The following ATP2B2 variants were observed in gnomAD, a reference collection of about 807,000 sequenced individuals.
ATP2B2 encodes the protein plasma membrane calcium-transporting ATPase 2.
ATP2B2 carries 15 observed loss-of-function variants against 120.0 expected under a neutral mutation model. The ratio of observed to expected loss-of-function variants is 0.12; its 90% confidence interval spans 0.08 to 0.19. The LOEUF (loss-of-function observed/expected upper bound fraction) is 0.19. Ranked by LOEUF, ATP2B2 falls within the 10% of genes least tolerant of loss-of-function variation. The pLI, the probability that ATP2B2 is intolerant of heterozygous loss-of-function variation, is 1.00. For synonymous variants in ATP2B2, 694 were observed against 700.3 expected (o/e 0.99, Z 0.14); for missense variants, 1,045 against 1,719.8 (o/e 0.61, Z 6.94).
Position 10,382,004 on chromosome 3 carries a change from G to C in ATP2B2, c.1001-2720C>G, listed in dbSNP as rs566880405. 8.0e-4 allele frequency among the ~76,000 whole-genome samples: 122 copies of C among 152,204 alleles called. 1 individual carries two copies. Among genetic ancestry groups the C allele is most frequent in the African/African-American group, 2.9e-3 (121 of 41,522 alleles). On this transcript the variant is annotated intron_variant, in intron 8 of 22. Transcript: ENST00000360273. ...ATCAACTAAGGTGATGTTTATGAAA[G>C]GCACTGGAAAATCACTGTGTAAACG...
At chr3:10,573,692 A>T (rs1264087872) in intron 2 of ATP2B2, among the ~76,000 whole-genome samples, 1 of 152,214 alleles carries the variant, frequency 6.6e-6, no homozygotes, top group Admixed American at 6.5e-5. Flanking sequence ...ATGCTGAGCC[A>T]GGCTCCAGAC....
chr3:10,457,954 A>G (rs2064333919), intron 1 of ATP2B2, among the ~76,000 whole-genome samples: 1 of 152,168 alleles, frequency 6.6e-6, no homozygotes, highest in South Asian at 2.1e-4. Context: ...GGGGAGGTCC[A>G]GCCCTTACCT....
chr3:10,329,800 A>C lies in ATP2B2; in HGVS notation c.3421-675T>G, dbSNP rs1451494233. On this transcript the variant is annotated intron_variant, in intron 22 of 22. Transcript: ENST00000360273. The surrounding 1 kb of genome is among the most constrained non-coding windows in gnomAD (Gnocchi z 5.9). ...AAAGCACATGGGAGCTGGCGGACAG[A>C]TGACATTCGGGGGCGGGCTGCATGC... Among the ~76,000 whole-genome samples, 2 of 152,248 alleles carry C rather than the reference A, an allele frequency of 1.3e-5. No homozygotes were observed. The highest frequency in any genetic ancestry group is 2.9e-5 in the Non-Finnish European group (2 of 68,004).
chr3:10,355,407 G>C (rs560697235), intron 14 of ATP2B2, among the ~76,000 whole-genome samples: 3 of 152,320 alleles, frequency 2.0e-5, no homozygotes, highest in African/African-American at 7.2e-5. Context: ...GCCAACAGGA[G>C]AGAGCGTGGC....
chr3:10,558,802 GA>G (rs1196969029), intron 2 of ATP2B2, among the ~76,000 whole-genome samples: 1 of 152,134 alleles, frequency 6.6e-6, no homozygotes, highest in African/African-American at 2.4e-5. Context: ...AAAGATGGAT[GA>G]GGGGAGAGCA....
intron 2 of ATP2B2, among the ~76,000 whole-genome samples, chr3:10,548,793 T>C (rs903486560): frequency 1.3e-5 from 2 of 152,206 alleles, no homozygotes; most frequent in East Asian, 1.9e-4. Context: ...CCAATATTAT[T>C]CCCATTTTAG....
At chr3:10,654,449 C>T (rs560158481) in intron 1 of ATP2B2, among the ~76,000 whole-genome samples, 13 of 152,102 alleles carry the variant, frequency 8.5e-5, no homozygotes, top group African/African-American at 1.7e-4. Context: ...GCTGAGCATC[C>T]GAGTGGATGA....
intron 2 of ATP2B2, among the ~76,000 whole-genome samples, chr3:10,591,650 G>A (rs6799104): frequency 0.36 from 55,249 of 152,044 alleles, 10,517 homozygotes; most frequent in East Asian, 0.73. Context: ...CTCAATGGCT[G>A]TAATCCTCTC....
chr3:10,477,764 GACT>G (rs2065258764), intron 1 of ATP2B2, among the ~76,000 whole-genome samples: 1 of 152,222 alleles, frequency 6.6e-6, no homozygotes, highest in Admixed American at 6.5e-5. Context: ...TGTATGAACA[GACT>G]ACATTTGATT....
intron 2 of ATP2B2, among the ~76,000 whole-genome samples, chr3:10,591,719 C>T (rs1032808676): frequency 5.3e-5 from 8 of 152,296 alleles, no homozygotes; most frequent in East Asian, 3.9e-4. Flanking sequence ...CTAACAGCCT[C>T]GATGGTTCAA....
intron 2 of ATP2B2, among the ~76,000 whole-genome samples, chr3:10,441,613 C>T (rs1032203944): frequency 1.2e-4 from 19 of 152,234 alleles, no homozygotes; most frequent in Non-Finnish European, 2.9e-5. Context: ...TCCCCATCTG[C>T]CCACCTGTCC....
intron 2 of ATP2B2, among the ~76,000 whole-genome samples, chr3:10,597,424 T>G (rs909913898): frequency 2.0e-5 from 3 of 152,108 alleles, no homozygotes; most frequent in African/African-American, 7.2e-5. Flanking sequence ...GTCTCAGGAC[T>G]TCCATCGGCC....
chr3:10,439,108 T>C (rs918969831), intron 2 of ATP2B2, among the ~76,000 whole-genome samples: 3 of 152,224 alleles, frequency 2.0e-5, no homozygotes, highest in Non-Finnish European at 4.4e-5. Context: ...TGGGCACTGA[T>C]GGGCCAAGGT....
At chr3:10,690,682 G>T (rs1343303182) in intron 1 of ATP2B2, among the ~76,000 whole-genome samples, 6 of 152,178 alleles carry the variant, frequency 3.9e-5, no homozygotes, top group Non-Finnish European at 5.9e-5. Flanking sequence ...GCCGTGCAGG[G>T]TTTGTCCGAG....
chr3:10,420,713 TAC>T (rs1205544486), intron 2 of ATP2B2, among the ~76,000 whole-genome samples: 1 of 152,178 alleles, frequency 6.6e-6, no homozygotes, highest in African/African-American at 2.4e-5. Context: ...GTGCCTGCCA[TAC>T]AGAGTTAAAC....
chr3:10,688,873 C>T lies in ATP2B2; in HGVS notation c.-460+19042G>A, dbSNP rs117085130. On this transcript the variant is annotated intron_variant, in intron 1 of 21. Coordinates refer to the ATP2B2 transcript ENST00000646379. ...CAGCCCACAAAGGTATTAGGGTGGCCTTCGGTTGAAAAAGGCAAAGTGAAG... is the reference window on the plus strand; with the variant it reads ...CAGCCCACAAAGGTATTAGGGTGGCTTTCGGTTGAAAAAGGCAAAGTGAAG... 1.4e-4 allele frequency among the ~76,000 whole-genome samples: 22 copies of T among 152,188 alleles called. No individual in the cohort carries two copies. In the East Asian group the frequency reaches 3.9e-3, roughly 27 times the overall value.
intron 12 of ATP2B2, among the ~76,000 whole-genome samples, chr3:10,364,878 A>T (rs1483495861): frequency 6.6e-6 from 1 of 152,192 alleles, no homozygotes; most frequent in African/African-American, 2.4e-5. Context: ...AGTATCCTTT[A>T]AGGACAGGCA....
chr3:10,575,574 A>G (rs1330010547), intron 2 of ATP2B2, among the ~76,000 whole-genome samples: 3 of 152,232 alleles, frequency 2.0e-5, no homozygotes, highest in Non-Finnish European at 2.9e-5. Context: ...GAGCTATGGA[A>G]GGCTCTTGAG....
At chr3:10,356,604 C>A (rs775684247) in intron 14 of ATP2B2, among the ~76,000 whole-genome samples, 1 of 152,010 alleles carries the variant, frequency 6.6e-6, no homozygotes, top group Non-Finnish European at 1.5e-5. Flanking sequence ...GTTTCCAAGG[C>A]AGGGTGGTGA....
Sources: gnomAD v4.1 joint callset for allele counts (sites outside exome capture counted in the v4.1 genomes callset) on GRCh38, gnomAD v4.1.1 for gene constraint, Gnocchi (gnomAD v3.1) non-coding constraint, MANE v1.5 for transcripts, NCBI Gene and HGNC (gene_info 2026-07-23, HGNC 2026-07-21) for gene names.